The following DHX36 variants were observed in gnomAD, a reference collection of about 807,000 sequenced individuals.
DHX36 encodes the protein DEAH-box helicase 36.
Under a neutral mutation model 139.0 loss-of-function variants are expected in DHX36, and 50 were observed. The ratio of observed to expected loss-of-function variants is 0.36; its 90% CI spans 0.29 to 0.46. The LOEUF (loss-of-function observed/expected upper bound fraction) is 0.46, where lower values mean the gene tolerates loss of function less well. DHX36 is among the 20% of genes least tolerant of loss of function. The pLI is 1.00. For missense variants in DHX36, 1,024 were observed against 1,211.3 expected (o/e 0.85, Z 2.29); for synonymous variants, 425 against 401.9 (o/e 1.06, Z -0.69).
intron 12 of DHX36, among the ~76,000 whole-genome samples, chr3:154,295,546 CTACA>C (rs1485826332): frequency 2.6e-5 from 4 of 152,138 alleles, no homozygotes; most frequent in Non-Finnish European, 4.4e-5. Context: ...ATTTTTATTT[CTACA>C]TACAAACAGA....
chr3:154,302,894 ACG>A (rs1712355072), intron 9 of DHX36, among the ~76,000 whole-genome samples: 1 of 152,198 alleles, frequency 6.6e-6, no homozygotes, highest in Admixed American at 6.5e-5. Context: ...CCTGGCCAAC[ACG>A]GTGAAACTAG....
intron 12 of DHX36, among the ~76,000 whole-genome samples, chr3:154,298,810 G>A (rs1712144330): frequency 6.6e-6 from 1 of 152,194 alleles, no homozygotes. Context: ...AGCTACTCAG[G>A]AGGCAGGGCA....
chr3:154,312,766 T>G (rs1712807338), intron 3 of DHX36, among the ~76,000 whole-genome samples: 1 of 146,970 alleles, frequency 6.8e-6, no homozygotes, highest in Non-Finnish European at 1.5e-5. Flanking sequence ...TGGTGGAGGT[T>G]GTGGTGAGCC....
chr3:154,299,510 G>A (rs1182467808), intron 12 of DHX36, among the ~76,000 whole-genome samples: 1 of 152,104 alleles, frequency 6.6e-6, no homozygotes, highest in Non-Finnish European at 1.5e-5. Flanking sequence ...GGGTGATGAT[G>A]GGGTCTAGGT....
At chr3:154,311,754 G>T in intron 3 of DHX36, 80 bp from the exon 4 acceptor site, 2 of 1,084,562 alleles carry the variant, frequency 1.8e-6, no homozygotes, top group South Asian at 1.6e-5. Context: ...ATACATCACA[G>T]GGTAAATTGG....
chr3:154,308,911 GAC>G (rs1212529335), intron 5 of DHX36, among the ~76,000 whole-genome samples: 2 of 152,064 alleles, frequency 1.3e-5, no homozygotes, highest in African/African-American at 4.8e-5. Flanking sequence ...ACTATGGCTG[GAC>G]ACAGAGACTT....
chr3:154,311,284 T>C (rs928439040), intron 4 of DHX36, among the ~76,000 whole-genome samples: 7 of 152,062 alleles, frequency 4.6e-5, no homozygotes, highest in Non-Finnish European at 8.8e-5. Flanking sequence ...TAGTAGTACT[T>C]TTTTTGTACA....
At chr3:154,306,374 T>A (rs1197852037) in intron 5 of DHX36, 79 bp from the exon 6 acceptor site, 2 of 1,248,278 alleles carry the variant, frequency 1.6e-6, no homozygotes, top group Admixed American at 1.9e-5. Flanking sequence ...AATCTAGGAC[T>A]GTTGAAAAAT....
At chr3:154,285,584 C>G (rs1711520735) in intron 17 of DHX36, among the ~76,000 whole-genome samples, 1 of 151,958 alleles carries the variant, frequency 6.6e-6, no homozygotes, top group African/African-American at 2.4e-5. Flanking sequence ...GAGGTTGGGG[C>G]CTCTTTTCCT....
intron 12 of DHX36, among the ~76,000 whole-genome samples, chr3:154,295,957 G>A (rs764143445): frequency 1.4e-4 from 21 of 152,038 alleles, no homozygotes; most frequent in Middle Eastern, 3.4e-3. Flanking sequence ...TTGTAGAGAT[G>A]GGGATTTGCC....
chr3:154,280,955 T>A, intron 20 of DHX36, 93 bp from the exon 21 acceptor site: 2 of 925,876 alleles, frequency 2.2e-6, no homozygotes, highest in Non-Finnish European at 3.3e-6. Context: ...TTGTAAGCTA[T>A]CCCTGCTTTA....
intron 24 of DHX36, 34 bp downstream of exon 24, chr3:154,276,713 T>C (rs355787): frequency 0.74 from 1,178,897 of 1,603,156 alleles, 436,405 homozygotes; most frequent in South Asian, 0.78. Context: ...CTGACTTACA[T>C]GTAGATTTAA....
chr3:154,317,078 T>C (rs1046035423), intron 1 of DHX36, among the ~76,000 whole-genome samples: 1 of 151,956 alleles, frequency 6.6e-6, no homozygotes, highest in Non-Finnish European at 1.5e-5. Context: ...CCACAGGACT[T>C]AATGACTATT....
At chr3:154,313,932 G>A (rs1712863525) in intron 3 of DHX36, among the ~76,000 whole-genome samples, 1 of 152,056 alleles carries the variant, frequency 6.6e-6, no homozygotes, top group South Asian at 2.1e-4. Flanking sequence ...AGGTTGTTGA[G>A]AAGCTTAAAT....
chr3:154,309,625 A>T, intron 5 of DHX36, 28 bp downstream of exon 5: 2 of 1,553,578 alleles, frequency 1.3e-6, no homozygotes, highest in Non-Finnish European at 1.7e-6. Flanking sequence ...TAAAAAGACA[A>T]TTTTTAATAA....
At chr3:154,293,692 TA>T in intron 14 of DHX36, 55 bp downstream of exon 14, 1 of 1,299,514 alleles carries the variant, frequency 7.7e-7, no homozygotes, top group Non-Finnish European at 1.1e-6. Flanking sequence ...ATAAACACGT[TA>T]TGGTGTTTAA....
intron 13 of DHX36, among the ~76,000 whole-genome samples, chr3:154,294,826 C>T (rs1396053897): frequency 6.6e-6 from 1 of 152,102 alleles, no homozygotes; most frequent in African/African-American, 2.4e-5. Flanking sequence ...TAGGAAAGCG[C>T]CTGTATCTGA....
Position 154,315,358 on chromosome 3 carries a change from C to T in DHX36, c.369-78G>A, listed in dbSNP as rs371164967. On this transcript the variant is annotated intron_variant, in intron 2 of 24. Coordinates refer to ENST00000496811, the MANE Select transcript of DHX36 (RefSeq NM_020865.3). ...TGGAACAAAACAAAACAAAACAATA[C>T]GCTGTTGAAATATTTCAAAGTCATC... 264 of 995,064 alleles carry T rather than the reference C, an allele frequency of 2.7e-4. 9 individuals are homozygous for T. Among genetic ancestry groups the T allele is most frequent in the African/African-American group, 1.7e-3 (104 of 61,524 alleles). 61.6% of individuals were successfully genotyped at this position (995,064 alleles called of 1,614,324 possible).
chr3:154,306,409 TA>T (rs376071524), intron 5 of DHX36, 114 bp from the exon 6 acceptor site: 9 of 804,860 alleles, frequency 1.1e-5, no homozygotes, highest in Admixed American at 9.4e-5. Flanking sequence ...CTAAATGAGT[TA>T]AAAAAATAGA....
Sources: gnomAD v4.1 joint callset for allele counts (sites outside exome capture counted in the v4.1 genomes callset) on GRCh38, gnomAD v4.1.1 for gene constraint, MANE v1.5 for transcripts, NCBI Gene and HGNC (gene_info 2026-07-23, HGNC 2026-07-21) for gene names.